The following MEIS1 variants were observed in gnomAD, a reference collection of about 807,000 sequenced individuals.
The protein encoded by MEIS1 is homeobox protein Meis1.
A neutral mutation model predicts 50.8 loss-of-function variants in MEIS1; 5 were observed. The observed-to-expected ratio is 0.10, with a 90% CI of 0.05 to 0.21. The LOEUF is 0.21. Among genes scored for constraint, MEIS1 ranks in the 10% least tolerant of loss-of-function variants. MEIS1 has a pLI of 1.00. For synonymous variants in MEIS1, 176 were observed against 179.3 expected (o/e 0.98, Z 0.15); for missense variants, 318 against 517.3 (o/e 0.61, Z 3.74).
Position 66,561,338 on chromosome 2 carries a change from A to G in MEIS1, c.966-6115A>G, listed in dbSNP as rs149786822. On this transcript the variant is annotated intron_variant, in intron 9 of 12. Transcript: ENST00000272369. ...GTGAGGAAATTCCTGGAATAAAAAA[A>G]TAACAAAATGTTGGGATTTGACAAC... Among the ~76,000 whole-genome samples, 277 of 152,324 alleles carry G rather than the reference A, an allele frequency of 1.8e-3. 3 individuals carry two copies. Among genetic ancestry groups the G allele is most frequent in the African/African-American group, 6.1e-3 (255 of 41,580 alleles).
At position 66,495,326 on chromosome 2, in the gene MEIS1, C is replaced by T. The variant is rs538464791; in HGVS notation, c.743-16823C>T. On this transcript the variant is annotated intron_variant, in intron 7 of 12. Coordinates refer to ENST00000272369, the MANE Select transcript of MEIS1 (RefSeq NM_002398.3). ...TTACGTCTTTTGACAAGAGAGAAGACGGACATCCAGCTTTGGGTCTGCAGT... is the reference window on the plus strand; with the variant it reads ...TTACGTCTTTTGACAAGAGAGAAGATGGACATCCAGCTTTGGGTCTGCAGT... Among the ~76,000 whole-genome samples, 16 of 152,174 alleles carry T rather than the reference C, an allele frequency of 1.1e-4. No individual in the cohort carries two copies. In the East Asian group the frequency reaches 1.2e-3, roughly 11 times the overall value.
intron 9 of MEIS1, among the ~76,000 whole-genome samples, chr2:66,555,492 G>C (rs961400701): frequency 3.9e-5 from 6 of 152,180 alleles, no homozygotes; most frequent in African/African-American, 1.2e-4. Flanking sequence ...AGGAAGCTCT[G>C]TAAGGGGAAA....
intron 6 of MEIS1, among the ~76,000 whole-genome samples, chr2:66,448,629 A>G (rs116172829): frequency 0.018 from 2,800 of 152,326 alleles, 56 homozygotes; most frequent in South Asian, 0.052. Flanking sequence ...TGCAACAACA[A>G]TATTTTCTTA....
chr2:66,453,587 C>T (rs1672323996), intron 6 of MEIS1, among the ~76,000 whole-genome samples: 2 of 151,888 alleles, frequency 1.3e-5, no homozygotes, highest in African/African-American at 2.4e-5. Flanking sequence ...CCAAATTTAA[C>T]GTTGTCAGTG....
At chr2:66,440,093 G>A (rs1289913383) in intron 3 of MEIS1, 109 bp downstream of exon 3, 5 of 319,666 alleles carry the variant, frequency 1.6e-5, no homozygotes, top group South Asian at 7.4e-5. Context: ...ACACACACAC[G>A]GCACACTTTC....
At chr2:66,527,292 T>C (rs1263738713) in intron 8 of MEIS1, among the ~76,000 whole-genome samples, 1 of 152,180 alleles carries the variant, frequency 6.6e-6, no homozygotes. Flanking sequence ...AAGTTGGGAC[T>C]GGAAACAAAA....
At chr2:66,560,843 A>T (rs1352489027) in intron 9 of MEIS1, among the ~76,000 whole-genome samples, 1 of 151,696 alleles carries the variant, frequency 6.6e-6, no homozygotes, top group Non-Finnish European at 1.5e-5. Flanking sequence ...GCTGTTCTCT[A>T]CCTCCCCTAC....
intron 9 of MEIS1, among the ~76,000 whole-genome samples, chr2:66,566,183 T>TTA (rs756847831): frequency 6.6e-6 from 1 of 152,196 alleles, no homozygotes; most frequent in Non-Finnish European, 1.5e-5. Context: ...TTTAGTTAGA[T>TTA]TCTAGTTTCA....
At chr2:66,514,556 G>A (rs1673914972) in intron 8 of MEIS1, among the ~76,000 whole-genome samples, 2 of 152,148 alleles carry the variant, frequency 1.3e-5, no homozygotes, top group South Asian at 4.1e-4. Flanking sequence ...ATTCATCCAT[G>A]TTTCCCCAGC....
chr2:66,557,320 A>G (rs993538955), intron 9 of MEIS1, among the ~76,000 whole-genome samples: 1 of 152,164 alleles, frequency 6.6e-6, no homozygotes, highest in African/African-American at 2.4e-5. Flanking sequence ...CATTTAATTC[A>G]ATGGTTTTTA....
intron 9 of MEIS1, among the ~76,000 whole-genome samples, chr2:66,550,510 T>C (rs1476253369): frequency 8.5e-6 from 1 of 117,212 alleles, no homozygotes; most frequent in East Asian, 2.4e-4. Context: ...TGTTTTGTTT[T>C]GTTTTGATAC....
chr2:66,528,453 C>T (rs1433620873), intron 8 of MEIS1, among the ~76,000 whole-genome samples: 1 of 152,130 alleles, frequency 6.6e-6, no homozygotes, highest in Non-Finnish European at 1.5e-5. Context: ...CAAACTGGCT[C>T]TCCTTGCTGT....
At position 66,515,221 on chromosome 2, in the gene MEIS1, T is replaced by G. The variant is rs183632264; in HGVS notation, c.888+2927T>G. Among the ~76,000 whole-genome samples the G allele has an allele frequency of 1.2e-3, 184 of 152,266 alleles. 1 individual carries two copies. The highest frequency in any genetic ancestry group is 4.2e-3 in the African/African-American group (173 of 41,556). On this transcript the variant is annotated intron_variant, in intron 8 of 12. Transcript: ENST00000272369. Reference sequence around the variant, plus strand: ...TTTATTAGTAAACTGTAAACTAGTCTTTTTTTAAATGTCAAAAGACATATT... The same window carrying G: ...TTTATTAGTAAACTGTAAACTAGTCGTTTTTTAAATGTCAAAAGACATATT...
At chr2:66,461,941 A>C in intron 6 of MEIS1, 1 of 453,422 alleles carries the variant, frequency 2.2e-6, no homozygotes, top group Non-Finnish European at 4.5e-6. Flanking sequence ...AGATTTAAGA[A>C]CCTTAGCTAA....
chr2:66,550,493 T>A (rs1674893327), intron 9 of MEIS1, among the ~76,000 whole-genome samples: 1 of 151,714 alleles, frequency 6.6e-6, no homozygotes, highest in South Asian at 2.1e-4. Context: ...TTTGTTTTGT[T>A]TTGTTTTGTT....
At chr2:66,492,916 C>T (rs556155267) in intron 7 of MEIS1, among the ~76,000 whole-genome samples, 5 of 152,204 alleles carry the variant, frequency 3.3e-5, no homozygotes, top group Admixed American at 1.3e-4. Flanking sequence ...GTTACTGCAC[C>T]CTTACTCTTA....
intron 8 of MEIS1, among the ~76,000 whole-genome samples, chr2:66,528,118 C>T (rs1334143180): frequency 6.6e-6 from 1 of 151,916 alleles, no homozygotes. Flanking sequence ...AAATCTGTAC[C>T]TCATAAATAG....
chr2:66,440,049 A>ACGCGTG lies in MEIS1; in HGVS notation c.381+69_381+70insTGCGCG, dbSNP rs1553370150. On this transcript the variant is annotated intron_variant, in intron 3 of 12. Coordinates refer to ENST00000272369, the MANE Select transcript of MEIS1 (RefSeq NM_002398.3). ...GAGAGCCCCCCCTTCGCCAACACAC[A>ACGCGTG]CGCGCGCGCGCGCGCGCGAACACAC... is the stretch of plus-strand genomic sequence containing the variant. 1.1e-4 allele frequency: 122 copies of ACGCGTG among 1,078,516 alleles called. 1 individual carries two copies. The highest frequency in any genetic ancestry group is 6.5e-4 in the Middle Eastern group (2 of 3,076). 66.8% of individuals were successfully genotyped at this position (1,078,516 alleles called of 1,614,324 possible).
At chr2:66,442,590 C>G (rs1346294149) in intron 5 of MEIS1, among the ~76,000 whole-genome samples, 1 of 152,050 alleles carries the variant, frequency 6.6e-6, no homozygotes, top group East Asian at 1.9e-4. Flanking sequence ...AATAGTTTAC[C>G]TTAAATGTCA....
Sources: gnomAD v4.1 joint callset for allele counts (sites outside exome capture counted in the v4.1 genomes callset) on GRCh38, gnomAD v4.1.1 for gene constraint, MANE v1.5 for transcripts, NCBI Gene and HGNC (gene_info 2026-07-23, HGNC 2026-07-21) for gene names.